CCSER1: variants seen among roughly 807,000 people sequenced by gnomAD.
CCSER1 encodes serine-rich coiled-coil domain-containing protein 1.
Under a neutral mutation model 82.0 loss-of-function variants are expected in CCSER1, and 41 were observed. That is an observed-to-expected ratio of 0.50 (90% CI 0.39 to 0.65). The LOEUF (loss-of-function observed/expected upper bound fraction) is 0.65, where lower values mean the gene tolerates loss of function less well. CCSER1 is among the 30% of genes least tolerant of loss of function. CCSER1 has a pLI of 0.00. For missense variants in CCSER1, 1,119 were observed against 1,064.2 expected, an observed-to-expected ratio of 1.05 and a Z score of -0.72; for synonymous variants, 414 against 383.9, an observed-to-expected ratio of 1.08 and a Z score of -0.92.
intron 7 of CCSER1, among the ~76,000 whole-genome samples, chr4:90,784,766 A>G (rs1317774724): frequency 2.0e-5 from 3 of 152,244 alleles, no homozygotes; most frequent in Non-Finnish European, 4.4e-5. Flanking sequence ...ACTGTTGACT[A>G]GAAGTCTTAC....
At chr4:91,219,874 C>A (rs1737599241) in intron 10 of CCSER1, among the ~76,000 whole-genome samples, 1 of 152,080 alleles carries the variant, frequency 6.6e-6, no homozygotes, top group South Asian at 2.1e-4. Context: ...TCATATCTGT[C>A]TTAAAGAAAC....
chr4:90,376,631 G>C (rs1015418844), intron 3 of CCSER1, among the ~76,000 whole-genome samples: 1 of 152,110 alleles, frequency 6.6e-6, no homozygotes, highest in African/African-American at 2.4e-5. Context: ...GTCTCTTATT[G>C]CTGCTCACAG....
At chr4:91,558,683 G>C (rs180890266) in intron 10 of CCSER1, among the ~76,000 whole-genome samples, 2 of 151,526 alleles carry the variant, frequency 1.3e-5, no homozygotes, top group African/African-American at 4.8e-5. Context: ...AGAGAAAAAT[G>C]AGAAAGAAGC....
intron 10 of CCSER1, among the ~76,000 whole-genome samples, chr4:91,293,430 T>G (rs561017405): frequency 1.3e-5 from 2 of 152,146 alleles, no homozygotes; most frequent in Admixed American, 1.3e-4. Flanking sequence ...ATTAAGAGTC[T>G]TTTTCTAATG....
chr4:90,211,557 C>T (rs571172442), intron 1 of CCSER1, among the ~76,000 whole-genome samples: 3 of 152,264 alleles, frequency 2.0e-5, no homozygotes, highest in Non-Finnish European at 2.9e-5. Context: ...AAGAAGAGAA[C>T]AATTTGACTC....
intron 1 of CCSER1, among the ~76,000 whole-genome samples, chr4:90,282,188 A>T (rs1728983109): frequency 6.6e-6 from 1 of 151,966 alleles, no homozygotes; most frequent in African/African-American, 2.4e-5. Flanking sequence ...AATATGTTTG[A>T]GTGCTTTTTA....
chr4:90,530,812 T>TA (rs1322281940), intron 5 of CCSER1, among the ~76,000 whole-genome samples: 1 of 152,158 alleles, frequency 6.6e-6, no homozygotes, highest in African/African-American at 2.4e-5. Flanking sequence ...CTTCTGCAGC[T>TA]ATTTCGGCAG....
intron 10 of CCSER1, among the ~76,000 whole-genome samples, chr4:91,145,808 G>C (rs1377074877): frequency 1.3e-5 from 2 of 152,128 alleles, no homozygotes; most frequent in Non-Finnish European, 2.9e-5. Context: ...TAAGGTTCAA[G>C]CCAAGGTGTC....
At chr4:91,008,449 G>GTAATATTC (rs1418934411) in intron 9 of CCSER1, among the ~76,000 whole-genome samples, 1 of 152,138 alleles carries the variant, frequency 6.6e-6, no homozygotes, top group East Asian at 1.9e-4. Context: ...TTATCATTAA[G>GTAATATTC]TAATATTCTT....
intron 10 of CCSER1, among the ~76,000 whole-genome samples, chr4:91,429,467 C>T (rs551211582): frequency 1.2e-4 from 19 of 152,024 alleles, no homozygotes; most frequent in African/African-American, 3.1e-4. Flanking sequence ...GAACCCATTA[C>T]GTGCCCAATT....
chr4:91,600,818 G>C lies in CCSER1; in HGVS notation c.*1761G>C, dbSNP rs943495727. On this transcript the variant is annotated 3_prime_UTR_variant, in exon 11 of 11. Transcript: ENST00000509176. ...TTTGCCAAATGTTTTCTTTCTTTGCGTGTTTGTAATTCTGCCAAAAGAGAA... is the reference window on the plus strand; with the variant it reads ...TTTGCCAAATGTTTTCTTTCTTTGCCTGTTTGTAATTCTGCCAAAAGAGAA... The C allele has an allele frequency of 6.6e-6, 1 of 151,990 alleles. No individual in the cohort carries two copies. The highest frequency in any genetic ancestry group is 2.4e-5 in the African/African-American group (1 of 41,390). The allele number at this position is 151,990 out of a possible 1,614,324, so 9.4% of individuals were successfully genotyped here. A position where few individuals can be genotyped will look rare whatever the true frequency, so the allele number is the denominator to read the frequency against.
chr4:90,497,372 T>C (rs572871705), intron 5 of CCSER1, among the ~76,000 whole-genome samples: 2 of 152,318 alleles, frequency 1.3e-5, no homozygotes, highest in South Asian at 4.1e-4. Flanking sequence ...TATATTATGC[T>C]ATGAAGACAA....
At chr4:90,896,877 G>A (rs532485160) in intron 8 of CCSER1, among the ~76,000 whole-genome samples, 10 of 151,954 alleles carry the variant, frequency 6.6e-5, no homozygotes, top group African/African-American at 1.9e-4. Flanking sequence ...AATGTTTAAT[G>A]TGGTTCAAAA....
Position 90,658,274 on chromosome 4 carries a change from T to G in CCSER1, c.1932+30042T>G, listed in dbSNP as rs1258862185. ...GAGTAATTTGAGGCTCTAACATTAT[T>G]AACTTTCTGCAGAAAGGATTTACTT... On this transcript the variant is annotated intron_variant, in intron 6 of 10. Transcript: ENST00000509176. Among the ~76,000 whole-genome samples the G allele has an allele frequency of 3.9e-5, 6 of 152,192 alleles. No individual in the cohort carries two copies. In the South Asian group the frequency reaches 1.2e-3, roughly 32 times the overall value.
chr4:91,284,494 G>C (rs372148073), intron 10 of CCSER1, among the ~76,000 whole-genome samples: 1 of 151,992 alleles, frequency 6.6e-6, no homozygotes, highest in African/African-American at 2.4e-5. Context: ...ATTTCAGTTC[G>C]GGAGATTTCT....
At chr4:91,145,056 G>T (rs1443412748) in intron 10 of CCSER1, among the ~76,000 whole-genome samples, 1 of 152,026 alleles carries the variant, frequency 6.6e-6, no homozygotes, top group Non-Finnish European at 1.5e-5. Flanking sequence ...TGTTAGTGGG[G>T]TGTCAAAATA....
At chr4:91,180,212 C>T (rs1733865292) in intron 10 of CCSER1, among the ~76,000 whole-genome samples, 2 of 152,206 alleles carry the variant, frequency 1.3e-5, no homozygotes. Flanking sequence ...AGGTGTCAGT[C>T]AGCTGCTACT....
intron 10 of CCSER1, among the ~76,000 whole-genome samples, chr4:91,412,492 T>G (rs1053864117): frequency 6.7e-6 from 1 of 148,756 alleles, no homozygotes; most frequent in Non-Finnish European, 1.5e-5. Context: ...TCTGTGGACA[T>G]GAAAGCAGGT....
At chr4:91,096,719 C>T (rs1193399975) in intron 10 of CCSER1, among the ~76,000 whole-genome samples, 1 of 152,108 alleles carries the variant, frequency 6.6e-6, no homozygotes, top group African/African-American at 2.4e-5. Flanking sequence ...TAACATAGTT[C>T]CCAATGGAGT....
Sources: gnomAD v4.1 joint callset for allele counts (sites outside exome capture counted in the v4.1 genomes callset) on GRCh38, gnomAD v4.1.1 for gene constraint, MANE v1.5 for transcripts, NCBI Gene and HGNC (gene_info 2026-07-23, HGNC 2026-07-21) for gene names.